SHTN1: variants seen among roughly 807,000 people sequenced by gnomAD.
SHTN1 encodes the protein shootin 1.
A neutral mutation model predicts 83.1 loss-of-function variants in SHTN1; 42 were observed. The observed-to-expected ratio is 0.51, with a 90% CI of 0.39 to 0.65. The LOEUF is 0.65. Ranked by LOEUF, SHTN1 falls within the 30% of genes least tolerant of loss-of-function variation. SHTN1 has a pLI of 0.00. For missense variants in SHTN1, 622 were observed against 737.8 expected (o/e 0.84, Z 1.82); for synonymous variants, 224 against 247.7 (o/e 0.90, Z 0.90).
chr10:116,952,857 A>G (rs929127892), intron 5 of SHTN1, among the ~76,000 whole-genome samples: 3 of 152,346 alleles, frequency 2.0e-5, no homozygotes, highest in African/African-American at 7.2e-5. Flanking sequence ...ACATAAACTC[A>G]GCTTGGAGAA....
intron 1 of SHTN1, among the ~76,000 whole-genome samples, chr10:117,100,336 C>T (rs1049408959): frequency 7.2e-5 from 11 of 152,258 alleles, no homozygotes; most frequent in South Asian, 2.1e-4. Flanking sequence ...GCTGCTTTCA[C>T]GCTAGGATGG....
intron 1 of SHTN1, among the ~76,000 whole-genome samples, chr10:117,075,411 A>G (rs1013291142): frequency 2.6e-5 from 4 of 152,174 alleles, no homozygotes; most frequent in African/African-American, 9.7e-5. Flanking sequence ...TCATTCATTC[A>G]ATTATTTACC....
intron 1 of SHTN1, among the ~76,000 whole-genome samples, chr10:117,002,543 A>G (rs77268063): frequency 0.012 from 1,894 of 152,328 alleles, 48 homozygotes; most frequent in African/African-American, 0.042. Context: ...AAAAATTACT[A>G]TTTTCAAAAA....
chr10:117,103,820 G>C (rs1406201354), intron 1 of SHTN1, among the ~76,000 whole-genome samples: 1 of 152,138 alleles, frequency 6.6e-6, no homozygotes, highest in Admixed American at 6.5e-5. Flanking sequence ...ACAGGTGTGA[G>C]CCACCGCACA....
intron 15 of SHTN1, among the ~76,000 whole-genome samples, chr10:116,906,345 T>A (rs2627192): frequency 0.96 from 146,157 of 152,304 alleles, 70,431 homozygotes; most frequent in East Asian, 1. Context: ...TGTTGCCGAA[T>A]CTCTTCCTGA....
At chr10:117,049,155 C>T (rs916880171) in intron 1 of SHTN1, among the ~76,000 whole-genome samples, 1 of 152,072 alleles carries the variant, frequency 6.6e-6, no homozygotes, top group Non-Finnish European at 1.5e-5. Flanking sequence ...TGGAAAGGGA[C>T]AGACAGAGAT....
chr10:117,011,793 TG>T (rs1242262055), intron 2 of SHTN1, among the ~76,000 whole-genome samples: 2 of 152,092 alleles, frequency 1.3e-5, no homozygotes, highest in Admixed American at 6.5e-5. Flanking sequence ...AAAATGCTGA[TG>T]AAAAAAATCA....
At position 116,944,923 on chromosome 10, in the gene SHTN1, C is replaced by T; in HGVS notation, c.711+1G>A. 1 of 1,583,436 alleles carries T rather than the reference C, an allele frequency of 6.3e-7. No individual in the cohort carries two copies. Among genetic ancestry groups the T allele is most frequent in the Non-Finnish European group, 8.7e-7 (1 of 1,152,122 alleles). On this transcript the variant is annotated splice_donor_variant, in intron 8 of 16. Transcript: ENST00000355371. LOFTEE classifies it high-confidence loss of function. ...AAATAAGATTTTTACAAGATACCCA[C>T]CTCTTGTGCAAATGACTCTGCTTTC...
At chr10:117,121,176 A>T (rs768950476) in intron 1 of SHTN1, among the ~76,000 whole-genome samples, 1 of 152,294 alleles carries the variant, frequency 6.6e-6, no homozygotes, top group South Asian at 2.1e-4. Flanking sequence ...ATGCATCGAT[A>T]AAAAAATTGT....
intron 3 of SHTN1, among the ~76,000 whole-genome samples, chr10:116,967,377 C>T (rs1432027656): frequency 6.6e-6 from 1 of 152,202 alleles, no homozygotes; most frequent in East Asian, 1.9e-4. Context: ...CATTCACACT[C>T]TTAAAAATGT....
chr10:117,018,209 G>A (rs1443959577), intron 2 of SHTN1, among the ~76,000 whole-genome samples: 3 of 152,190 alleles, frequency 2.0e-5, no homozygotes, highest in Admixed American at 2.0e-4. Flanking sequence ...TTTGACAAAT[G>A]TACTGTGGTT....
intron 10 of SHTN1, 123 bp downstream of exon 10, chr10:116,929,726 A>G: frequency 1.8e-6 from 1 of 543,698 alleles, no homozygotes; most frequent in Non-Finnish European, 3.0e-6. Flanking sequence ...TTCAAAACAA[A>G]TCTTGGTATT....
At chr10:117,080,964 A>G (rs1853252174) in intron 1 of SHTN1, among the ~76,000 whole-genome samples, 1 of 150,714 alleles carries the variant, frequency 6.6e-6, no homozygotes, top group African/African-American at 2.4e-5. Context: ...TAGATATACA[A>G]TCATGTCATC....
At chr10:116,948,778 C>G in intron 7 of SHTN1, 138 bp downstream of exon 7, 1 of 512,840 alleles carries the variant, frequency 1.9e-6, no homozygotes, top group Non-Finnish European at 3.0e-6. Flanking sequence ...ATGGGAGAGA[C>G]ACAATGCTAG....
At chr10:117,073,169 AAAG>A (rs1189528405) in intron 1 of SHTN1, among the ~76,000 whole-genome samples, 1 of 152,188 alleles carries the variant, frequency 6.6e-6, no homozygotes, top group Non-Finnish European at 1.5e-5. Context: ...GACAAAGAAA[AAAG>A]AATAAGAAAA....
At chr10:117,019,651 G>T (rs1161725490) in intron 2 of SHTN1, among the ~76,000 whole-genome samples, 1 of 151,958 alleles carries the variant, frequency 6.6e-6, no homozygotes, top group Admixed American at 6.6e-5. Flanking sequence ...AGACCAGCCT[G>T]GGCAACACAG....
rs1268464475 is a variant in SHTN1 at position 116,881,857 on chromosome 10, C to T, written c.*4487G>A. 4 of 443,174 alleles carry T rather than the reference C, an allele frequency of 9.0e-6. No individual in the cohort carries two copies. Among genetic ancestry groups the T allele is most frequent in the Admixed American group, 4.4e-5 (1 of 22,834 alleles). The allele number at this position is 443,174 out of a possible 1,614,324, so 27.5% of individuals were successfully genotyped here. On this transcript the variant is annotated 3_prime_UTR_variant, in exon 17 of 17. Coordinates refer to ENST00000355371, the MANE Select transcript of SHTN1 (RefSeq NM_001127211.3). Reference sequence around the variant, plus strand: ...TTTTTGCCTGAAATTCTGTGAACTTCGTTTTGCAGCCACCACACTTCCATG... The same window carrying T: ...TTTTTGCCTGAAATTCTGTGAACTTTGTTTTGCAGCCACCACACTTCCATG...
intron 5 of SHTN1, among the ~76,000 whole-genome samples, chr10:116,953,654 G>C (rs936926778): frequency 2.3e-5 from 3 of 130,774 alleles, no homozygotes; most frequent in African/African-American, 5.6e-5. Context: ...TTGAGACAGA[G>C]TCTCGCTCTG....
chr10:117,016,405 T>TTTTG (rs922332184), intron 2 of SHTN1, among the ~76,000 whole-genome samples: 14 of 152,240 alleles, frequency 9.2e-5, no homozygotes, highest in South Asian at 6.2e-4. Flanking sequence ...AAATTATTCC[T>TTTTG]TTTGTTTGTT....
Sources: allele counts gnomAD v4.1 joint callset (sites outside exome capture counted in the v4.1 genomes callset), GRCh38; gene constraint gnomAD v4.1.1; transcripts MANE v1.5; gene names NCBI Gene and HGNC (gene_info 2026-07-23, HGNC 2026-07-21).